TBCD: variants seen among roughly 807,000 people sequenced by gnomAD.
TBCD encodes the protein tubulin-specific chaperone D.
In TBCD, 105 loss-of-function variants were observed where a neutral mutation model predicts 169.3. The ratio of observed to expected loss-of-function variants is 0.62; its 90% CI spans 0.53 to 0.73. The LOEUF (loss-of-function observed/expected upper bound fraction) is 0.73. Ranked by LOEUF, TBCD falls within the 30% of genes least tolerant of loss-of-function variation. The pLI, the probability that TBCD is intolerant of heterozygous loss-of-function variation, is 0.00. For synonymous variants in TBCD, 700 were observed against 643.9 expected, an observed-to-expected ratio of 1.09 and a Z score of -1.32; for missense variants, 1,444 against 1,600.1, an observed-to-expected ratio of 0.90 and a Z score of 1.66.
chr17:82,785,816 G>A, intron 7 of TBCD, among the ~76,000 whole-genome samples: 2 of 141,758 alleles, frequency 1.4e-5, no homozygotes, highest in African/African-American at 5.6e-5. Flanking sequence ...TCCATGCTGT[G>A]TGACTGGGAC....
chr17:82,787,715 C>T (rs1005747235), intron 7 of TBCD, among the ~76,000 whole-genome samples: 4 of 152,226 alleles, frequency 2.6e-5, no homozygotes, highest in African/African-American at 7.2e-5. Flanking sequence ...GGTGAACTCT[C>T]AACAAGTACC....
At chr17:82,786,821 C>CTTTTTTTTTT (rs71168154) in intron 7 of TBCD, among the ~76,000 whole-genome samples, 1 of 110,170 alleles carries the variant, frequency 9.1e-6, no homozygotes, top group Non-Finnish European at 1.9e-5. Context: ...CGGTTCTTTA[C>CTTTTTTTTTT]TTTTTTTTTT....
At chr17:82,839,655 T>G (rs981788395) in intron 13 of TBCD, among the ~76,000 whole-genome samples, 1 of 152,246 alleles carries the variant, frequency 6.6e-6, no homozygotes, top group Non-Finnish European at 1.5e-5. Flanking sequence ...TTTGTGTTGG[T>G]TTAACTTTTA....
intron 13 of TBCD, chr17:82,858,693 C>T (rs1303617693): frequency 5.1e-6 from 5 of 976,248 alleles, no homozygotes; most frequent in Non-Finnish European, 6.1e-6. Context: ...TTTCCTTGTA[C>T]TTACCTTCAT....
rs1012026098 is a variant in TBCD, at chr17:82,903,722, C to T, written c.1804+244C>T. 2.0e-5 allele frequency among the ~76,000 whole-genome samples: 3 copies of T among 152,218 alleles called. No homozygotes were observed. The highest frequency in any genetic ancestry group is 2.9e-5 in the Non-Finnish European group (2 of 68,030). On this transcript the variant is annotated intron_variant, in intron 19 of 38. Coordinates refer to ENST00000355528, the MANE Select transcript of TBCD (RefSeq NM_005993.5). This position sits in a 1 kb window ranked among gnomAD's most constrained non-coding sequence, Gnocchi z 4.8. ...ACGTACACCGGAGCCCGTGATGGTC[C>T]CGCCGGATGCCTGACATGCAGTGCT...
At chr17:82,803,079 C>T (rs1192529935) in intron 9 of TBCD, among the ~76,000 whole-genome samples, 1 of 152,122 alleles carries the variant, frequency 6.6e-6, no homozygotes, top group Non-Finnish European at 1.5e-5. Context: ...TTTTCGTTGT[C>T]TCTGTTAGTA....
intron 12 of TBCD, among the ~76,000 whole-genome samples, chr17:82,813,232 T>C (rs1407516844): frequency 6.6e-6 from 1 of 152,176 alleles, no homozygotes. Context: ...CTCTTGATGA[T>C]CTGAGACCCG....
At position 82,832,367 on chromosome 17, in the gene TBCD, A is replaced by G. The variant is rs2053594870; in HGVS notation, c.1318+17433A>G. 6.2e-7 allele frequency: 1 copy of G among 1,614,130 alleles called. No individual in the cohort carries two copies. Reference sequence around the variant, plus strand: ...GACTTCTCATTGCAAGTAAAGGGACATTGGAAACATTTATACTTGAAGGGC... The same window carrying G: ...GACTTCTCATTGCAAGTAAAGGGACGTTGGAAACATTTATACTTGAAGGGC... On this transcript the variant is annotated intron_variant, in intron 13 of 38. Coordinates refer to ENST00000355528, the MANE Select transcript of TBCD (RefSeq NM_005993.5). This position sits in a 1 kb window ranked among gnomAD's most constrained non-coding sequence, Gnocchi z 4.9.
Position 82,915,856 on chromosome 17 carries a change from G to A in TBCD, c.2038+4067G>A, listed in dbSNP as rs907461800. ...GGAGGATCGTGACTTAGCAAGCCGG[G>A]GACACGCTGTTAATGGACTTCCTGC... On this transcript the variant is annotated intron_variant, in intron 23 of 38. Coordinates refer to ENST00000355528, the MANE Select transcript of TBCD (RefSeq NM_005993.5). The surrounding 1 kb of genome is among the most constrained non-coding windows in gnomAD (Gnocchi z 4.3). 6.6e-5 allele frequency among the ~76,000 whole-genome samples: 10 copies of A among 152,246 alleles called. No individual in the cohort carries two copies. The South Asian group carries it at 1.9e-3, about 28-fold the overall frequency.
At position 82,835,029 on chromosome 17, in the gene TBCD, C is replaced by T. The variant is rs1567859530; in HGVS notation, c.1318+20095C>T. The stretch of plus-strand genomic sequence containing the variant: ...AGGGAGCTGTCATCCCACCACCGCA[C>T]TGCAGCCTGGTGGGCAACAGAATGA... On this transcript the variant is annotated intron_variant, in intron 13 of 38. Coordinates refer to ENST00000355528, the MANE Select transcript of TBCD (RefSeq NM_005993.5). The surrounding 1 kb of genome is among the most constrained non-coding windows in gnomAD (Gnocchi z 4.5). Among the ~76,000 whole-genome samples, 1 of 152,140 alleles carries T rather than the reference C, an allele frequency of 6.6e-6. No individual in the cohort carries two copies. The highest frequency in any genetic ancestry group is 6.5e-5 in the Admixed American group (1 of 15,286).
In TBCD at chr17:82,926,438, C is replaced by G. The variant is rs760421018; in HGVS notation, c.2418C>G (p.Pro806=). 2 of 1,614,020 alleles carry G rather than the reference C, an allele frequency of 1.2e-6. No homozygotes were observed. Among genetic ancestry groups the G allele is most frequent in the Non-Finnish European group, 1.7e-6 (2 of 1,179,886 alleles). Residue 806 remains proline, a synonymous_variant, in exon 28 of 39, where the codon CCC becomes CCG. Coordinates refer to ENST00000355528, the MANE Select transcript of TBCD (RefSeq NM_005993.5). Reference sequence around the variant, plus strand: ...TAAGAGCAGTTACCCACACTTCCCCCGAGGACGTAAGTTTTGCTGAGTCCA... The same window carrying G: ...TAAGAGCAGTTACCCACACTTCCCCGGAGGACGTAAGTTTTGCTGAGTCCA... ...TGLRAVTHTS[P]EDVSFAESRR...
chr17:82,827,579 G>A (rs769120002), intron 13 of TBCD, among the ~76,000 whole-genome samples: 3 of 152,154 alleles, frequency 2.0e-5, no homozygotes, highest in Non-Finnish European at 4.4e-5. Context: ...ACACATGCAC[G>A]CTCACACACA....
At chr17:82,912,566 G>A (rs2060722054) in intron 23 of TBCD, among the ~76,000 whole-genome samples, 1 of 152,242 alleles carries the variant, frequency 6.6e-6, no homozygotes, top group Non-Finnish European at 1.5e-5. Context: ...GCCCCTCGCT[G>A]TGGGACTGTG....
intron 30 of TBCD, among the ~76,000 whole-genome samples, 170 bp from the exon 31 acceptor site, chr17:82,928,943 C>T (rs975421162): frequency 2.6e-5 from 4 of 152,234 alleles, no homozygotes; most frequent in East Asian, 1.9e-4. Flanking sequence ...GTGGTTCTTC[C>T]GAGCCAGTGT....
Position 82,809,628 on chromosome 17 carries a change from C to T in TBCD, c.1149-80C>T, listed in dbSNP as rs140091462. 9.8e-4 allele frequency: 1,416 copies of T among 1,437,760 alleles called. 4 individuals carry two copies. The highest frequency in any genetic ancestry group is 2.9e-3 in the Middle Eastern group (15 of 5,128). 89.1% of individuals were successfully genotyped at this position (1,437,760 alleles called of 1,614,324 possible). On this transcript the variant is annotated intron_variant, in intron 11 of 38. Transcript: ENST00000355528. Reference sequence around the variant, plus strand: ...GTCTCTGGAGGAAAGGATGGGTGTTCAGGCCATTCACACGTGTCACGCATG... The same window carrying T: ...GTCTCTGGAGGAAAGGATGGGTGTTTAGGCCATTCACACGTGTCACGCATG...
chr17:82,863,738 G>A (rs1225102305), intron 13 of TBCD, among the ~76,000 whole-genome samples: 2 of 152,206 alleles, frequency 1.3e-5, no homozygotes, highest in Admixed American at 1.3e-4. Flanking sequence ...GCAGCAGTTG[G>A]CTCCTGATGC....
chr17:82,936,961 G>A (rs757728330), intron 34 of TBCD, among the ~76,000 whole-genome samples: 33 of 152,336 alleles, frequency 2.2e-4, no homozygotes, highest in Middle Eastern at 6.8e-3. Flanking sequence ...CCTGGCCGCC[G>A]CTGTGTTGGG....
At chr17:82,774,822 A>G (rs117432794) in intron 6 of TBCD, among the ~76,000 whole-genome samples, 1,813 of 152,366 alleles carry the variant, frequency 0.012, 14 homozygotes, top group Non-Finnish European at 0.019. Flanking sequence ...ATGAGTTTCT[A>G]CAAGTGGAAC....
intron 13 of TBCD, among the ~76,000 whole-genome samples, chr17:82,828,238 A>G (rs1176723353): frequency 2.6e-4 from 20 of 76,786 alleles, no homozygotes; most frequent in African/African-American, 7.3e-4. Flanking sequence ...TGCGCCCCCC[A>G]CAGATATGCA....
Sources: allele counts gnomAD v4.1 joint callset (sites outside exome capture counted in the v4.1 genomes callset), GRCh38; gene constraint gnomAD v4.1.1; non-coding constraint Gnocchi (gnomAD v3.1); transcripts MANE v1.5; gene names NCBI Gene and HGNC (gene_info 2026-07-23, HGNC 2026-07-21).